DMD: variants seen among roughly 807,000 people sequenced by gnomAD.
DMD encodes mutant dystrophin.
Under a neutral mutation model 330.1 loss-of-function variants are expected in DMD, and 63 were observed. The observed-to-expected ratio is 0.19, with a 90% CI of 0.16 to 0.24. The LOEUF (loss-of-function observed/expected upper bound fraction) is 0.24. DMD is among the 10% of genes least tolerant of loss of function. The probability of loss-of-function intolerance (pLI) is 1.00; values close to 1 mark genes in which losing one functional copy is unlikely to be tolerated. For synonymous variants in DMD, 1,223 were observed against 959.8 expected, an observed-to-expected ratio of 1.27 and a Z score of -5.07; for missense variants, 3,344 against 2,684.1, an observed-to-expected ratio of 1.25 and a Z score of -5.43.
At chrX:32,328,378 C>G (rs1292727280) in intron 41 of DMD, among the ~76,000 whole-genome samples, 1 of 111,426 alleles carries the variant, frequency 9.0e-6, no homozygotes, top group African/African-American at 3.3e-5. Flanking sequence ...TAACGTTGAA[C>G]AATGTTAGAC....
At chrX:31,774,501 C>A (rs1330808836) in intron 50 of DMD, among the ~76,000 whole-genome samples, 1 of 111,569 alleles carries the variant, frequency 9.0e-6, no homozygotes, top group Non-Finnish European at 1.9e-5. Context: ...TTCTCAGTAA[C>A]AATCATATAC....
At chrX:31,443,059 T>C (rs758678751) in intron 60 of DMD, among the ~76,000 whole-genome samples, 1 of 111,724 alleles carries the variant, frequency 9.0e-6, no homozygotes, top group African/African-American at 3.3e-5. Flanking sequence ...ATTTGGTTTA[T>C]TATATTTTTC....
intron 43 of DMD, among the ~76,000 whole-genome samples, chrX:32,243,347 T>C (rs1355371212): frequency 9.0e-6 from 1 of 111,675 alleles, no homozygotes; most frequent in Non-Finnish European, 1.9e-5. Context: ...GTAAAGCAAG[T>C]ATTAAAACCT....
chrX:33,177,813 T>G (rs1277078501), intron 1 of DMD, among the ~76,000 whole-genome samples: 1 of 112,328 alleles, frequency 8.9e-6, no homozygotes, highest in East Asian at 2.8e-4. Context: ...ACCTACTCAT[T>G]TTTTATAACT....
chrX:32,575,502 G>A (rs772123786), intron 13 of DMD, among the ~76,000 whole-genome samples: 3 of 112,194 alleles, frequency 2.7e-5, no homozygotes, highest in Admixed American at 9.5e-5. Context: ...AGTGATGCGA[G>A]ATACCCACAG....
chrX:32,527,927 C>T (rs1293196983), intron 17 of DMD, among the ~76,000 whole-genome samples: 1 of 111,560 alleles, frequency 9.0e-6, no homozygotes, highest in Non-Finnish European at 1.9e-5. Flanking sequence ...ACATGATTGT[C>T]TTGTATTTTG....
At chrX:31,748,781 A>C (rs1015578079) in intron 51 of DMD, among the ~76,000 whole-genome samples, 1 of 111,892 alleles carries the variant, frequency 8.9e-6, no homozygotes, top group Admixed American at 9.5e-5. Context: ...TTCTGTACTT[A>C]CACCCTTTTA....
chrX:31,401,536 T>G (rs1229921109), intron 60 of DMD, among the ~76,000 whole-genome samples: 2 of 111,506 alleles, frequency 1.8e-5, no homozygotes, highest in African/African-American at 6.5e-5. Flanking sequence ...ATGATCTCAT[T>G]TAATTCTCAT....
intron 4 of DMD, among the ~76,000 whole-genome samples, chrX:32,829,852 C>T (rs1428762820): frequency 8.9e-6 from 1 of 111,804 alleles, no homozygotes; most frequent in Non-Finnish European, 1.9e-5. Context: ...TGATTTAAAA[C>T]TATGTCTGGA....
intron 51 of DMD, among the ~76,000 whole-genome samples, chrX:31,733,291 C>CA (rs2086642264): frequency 9.0e-6 from 1 of 111,351 alleles, no homozygotes; most frequent in South Asian, 3.7e-4. Flanking sequence ...GGCTTTTAGA[C>CA]AAAATTACAA....
At chrX:31,396,691 A>G (rs1280988098) in intron 60 of DMD, among the ~76,000 whole-genome samples, 1 of 110,604 alleles carries the variant, frequency 9.0e-6, no homozygotes, top group Non-Finnish European at 1.9e-5. Flanking sequence ...AGAAAGGTCA[A>G]TAATAGAAAT....
intron 50 of DMD, among the ~76,000 whole-genome samples, chrX:31,800,900 TCAC>T (rs2092030296): frequency 9.0e-6 from 1 of 111,576 alleles, no homozygotes; most frequent in Non-Finnish European, 1.9e-5. Context: ...ATCGTCCACA[TCAC>T]CATCGGCATT....
chrX:32,352,906 C>T (rs1197102517), intron 37 of DMD, among the ~76,000 whole-genome samples: 1 of 110,452 alleles, frequency 9.1e-6, no homozygotes, highest in African/African-American at 3.3e-5. Context: ...AAGATATATG[C>T]TTGTCTCTCT....
intron 47 of DMD, among the ~76,000 whole-genome samples, chrX:31,900,647 T>C (rs1429613419): frequency 9.0e-6 from 1 of 111,464 alleles, no homozygotes; most frequent in Admixed American, 9.5e-5. Flanking sequence ...CCCGAAAATG[T>C]GGAAGCGACT....
At chrX:32,372,038 A>C (rs1223635128) in intron 34 of DMD, among the ~76,000 whole-genome samples, 3 of 111,532 alleles carry the variant, frequency 2.7e-5, no homozygotes, top group Non-Finnish European at 3.8e-5. Context: ...AGTGGAAAAA[A>C]CTGTTGAAAT....
At chrX:32,219,056 C>G (rs754271261) in intron 43 of DMD, among the ~76,000 whole-genome samples, 1 of 111,714 alleles carries the variant, frequency 9.0e-6, no homozygotes, top group South Asian at 3.7e-4. Flanking sequence ...GTAAAACAGA[C>G]AGCATTTTGG....
intron 61 of DMD, among the ~76,000 whole-genome samples, chrX:31,341,658 G>T (rs1379003826): frequency 9.0e-6 from 1 of 111,144 alleles, no homozygotes; most frequent in East Asian, 2.8e-4. Flanking sequence ...TTCTTAACGG[G>T]TAAGGCAGTG....
At chrX:32,297,747 G>A (rs1414074308) in intron 42 of DMD, among the ~76,000 whole-genome samples, 1 of 111,863 alleles carries the variant, frequency 8.9e-6, no homozygotes, top group Non-Finnish European at 1.9e-5. Context: ...AAGCAGGGAA[G>A]GAAGAAATGA....
At chrX:32,625,996 T>C (rs779203242) in intron 11 of DMD, among the ~76,000 whole-genome samples, 2 of 112,707 alleles carry the variant, frequency 1.8e-5, no homozygotes, top group African/African-American at 6.4e-5. Context: ...GTCTTACATG[T>C]AAAATACAAT....
Sources: gnomAD v4.1 joint callset for allele counts (sites outside exome capture counted in the v4.1 genomes callset) on GRCh38, gnomAD v4.1.1 for gene constraint, MANE v1.5 for transcripts, NCBI Gene and HGNC (gene_info 2026-07-23, HGNC 2026-07-21) for gene names.